Variants in TSPAN9 observed in about 807,000 individuals in gnomAD.
TSPAN9 encodes the protein tetraspanin-9.
In TSPAN9, 16 loss-of-function variants were observed where a neutral mutation model predicts 31.0. The ratio of observed to expected loss-of-function variants is 0.52; its 90% CI spans 0.35 to 0.78. The LOEUF is 0.78. Among genes scored for constraint, TSPAN9 ranks in the 30% least tolerant of loss-of-function variants. The pLI, the probability that TSPAN9 is intolerant of heterozygous loss-of-function variation, is 0.01. For missense variants in TSPAN9, 272 were observed against 312.5 expected (o/e 0.87, Z 0.98); for synonymous variants, 145 against 121.6 (o/e 1.19, Z -1.27).
intron 3 of TSPAN9, among the ~76,000 whole-genome samples, chr12:3,269,113 T>TGC (rs1323202584): frequency 2.3e-5 from 1 of 42,768 alleles, no homozygotes; most frequent in South Asian, 1.7e-3. Flanking sequence ...GCCCTCCCTG[T>TGC]GTTCCTGCAG....
At chr12:3,189,791 G>A (rs1339137062) in intron 2 of TSPAN9, among the ~76,000 whole-genome samples, 1 of 152,132 alleles carries the variant, frequency 6.6e-6, no homozygotes, top group African/African-American at 2.4e-5. Flanking sequence ...GCCTGATGGG[G>A]AGGAGGGAAG....
At chr12:3,257,579 A>G (rs892609222) in intron 3 of TSPAN9, among the ~76,000 whole-genome samples, 1 of 151,926 alleles carries the variant, frequency 6.6e-6, no homozygotes, top group African/African-American at 2.4e-5. Flanking sequence ...CACTGTGGGA[A>G]TAAATTATCC....
chr12:3,250,249 G>A (rs529540853), intron 3 of TSPAN9, among the ~76,000 whole-genome samples: 2 of 152,276 alleles, frequency 1.3e-5, no homozygotes, highest in African/African-American at 2.4e-5. Context: ...TACCCATTGC[G>A]TAAAGCTCAG....
At chr12:3,218,279 C>A (rs1046383654) in intron 3 of TSPAN9, among the ~76,000 whole-genome samples, 1 of 152,204 alleles carries the variant, frequency 6.6e-6, no homozygotes. Context: ...GGGGAGTGAG[C>A]TCACAGCTCT....
chr12:3,229,509 C>A (rs1233880542), intron 3 of TSPAN9, among the ~76,000 whole-genome samples: 1 of 152,234 alleles, frequency 6.6e-6, no homozygotes, highest in East Asian at 1.9e-4. Flanking sequence ...GGATCAGAGG[C>A]TTTCCCCTTG....
At chr12:3,119,923 T>C (rs565089591) in intron 2 of TSPAN9, among the ~76,000 whole-genome samples, 355 of 152,198 alleles carry the variant, frequency 2.3e-3, no homozygotes, top group African/African-American at 8.2e-3. Flanking sequence ...CTGGTGTTGC[T>C]CCACATGGGC....
chr12:3,253,654 G>T (rs1164022841), intron 3 of TSPAN9, among the ~76,000 whole-genome samples: 1 of 152,236 alleles, frequency 6.6e-6, no homozygotes, highest in African/African-American at 2.4e-5. Context: ...GGTAGAAATG[G>T]CAATCTTCAT....
In TSPAN9 at chr12:3,177,464, G is replaced by A. The variant is rs540216519; in HGVS notation, c.-17-23713G>A. Among the ~76,000 whole-genome samples the A allele has an allele frequency of 1.7e-4, 26 of 152,158 alleles. 1 individual carries two copies. The East Asian group carries it at 4.3e-3, about 25-fold the overall frequency. ...GAAAATTTTTTTGAGATGGAGTCTC[G>A]CTCTGTTGCCCAGGCTGGAGCACAG... On this transcript the variant is annotated intron_variant, in intron 2 of 8. Coordinates refer to ENST00000011898, the MANE Select transcript of TSPAN9 (RefSeq NM_006675.5).
At chr12:3,281,163 C>T (rs1472277499) in intron 6 of TSPAN9, 35 bp from the exon 7 acceptor site, 1 of 1,549,944 alleles carries the variant, frequency 6.5e-7, no homozygotes, top group South Asian at 1.2e-5. Context: ...CGGGCCATGG[C>T]ATGTCTGACT....
At chr12:3,162,898 G>T (rs1195567910) in intron 2 of TSPAN9, among the ~76,000 whole-genome samples, 2 of 152,174 alleles carry the variant, frequency 1.3e-5, no homozygotes, top group Non-Finnish European at 2.9e-5. Context: ...GCAGCCTATT[G>T]GAGAGAGTGT....
rs1263845162 is a variant in TSPAN9, at chr12:3,283,240, AC to A, written c.*128del. ...GCACCCACCCCCCACAGCCTGCCCT[AC>A]CCCACCTACCCTGCCTCAGCCTCGG... On this transcript the variant is annotated 3_prime_UTR_variant, in exon 9 of 9. Coordinates refer to ENST00000011898, the MANE Select transcript of TSPAN9 (RefSeq NM_006675.5). The A allele has an allele frequency of 8.7e-6, 8 of 919,894 alleles. No individual in the cohort carries two copies. The highest frequency in any genetic ancestry group is 4.5e-4 in the Middle Eastern group (2 of 4,452). The allele number at this position is 919,894 out of a possible 1,614,324, so 57.0% of individuals were successfully genotyped here. A position where few individuals can be genotyped will look rare whatever the true frequency, so the allele number is the denominator to read the frequency against.
At chr12:3,224,807 G>A (rs903390379) in intron 3 of TSPAN9, among the ~76,000 whole-genome samples, 4 of 152,232 alleles carry the variant, frequency 2.6e-5, no homozygotes, top group African/African-American at 7.2e-5. Context: ...TGTCAGCTTC[G>A]CTTCAGCAGT....
In TSPAN9 at chr12:3,226,553, A is replaced by G. The variant is rs183016628; in HGVS notation, c.63+25297A>G. Among the ~76,000 whole-genome samples the G allele has an allele frequency of 1.4e-4, 21 of 150,400 alleles. No homozygotes were observed. In the East Asian group the frequency reaches 3.4e-3, roughly 24 times the overall value. On this transcript the variant is annotated intron_variant, in intron 3 of 8. Coordinates refer to ENST00000011898, the MANE Select transcript of TSPAN9 (RefSeq NM_006675.5). ...TAGGTGTGCTTGGATTTGAGGGTGT[A>G]TATATATGGCTGAGGCAGAAGGATT...
chr12:3,224,798 G>C (rs1375081819), intron 3 of TSPAN9, among the ~76,000 whole-genome samples: 1 of 152,258 alleles, frequency 6.6e-6, no homozygotes, highest in East Asian at 1.9e-4. Context: ...TCCCGGTTCT[G>C]TCAGCTTCGC....
Position 3,211,633 on chromosome 12 carries a change from G to A in TSPAN9, c.63+10377G>A, listed in dbSNP as rs2098378780. The A allele has an allele frequency of 1.9e-5, 23 of 1,214,816 alleles. No homozygotes were observed. The South Asian group carries it at 2.9e-4, about 15-fold the overall frequency. 75.3% of individuals were successfully genotyped at this position (1,214,816 alleles called of 1,614,324 possible). A position where few individuals can be genotyped will look rare whatever the true frequency, so the allele number is the denominator to read the frequency against. On this transcript the variant is annotated intron_variant, in intron 3 of 8. Coordinates refer to ENST00000011898, the MANE Select transcript of TSPAN9 (RefSeq NM_006675.5). The stretch of plus-strand genomic sequence containing the variant: ...TATCCAAAATGTGTTTATTGAGATG[G>A]TTTCCCACTCATCTTGACTCAGAGT...
intron 2 of TSPAN9, among the ~76,000 whole-genome samples, chr12:3,113,417 G>A (rs1007590479): frequency 1.2e-4 from 19 of 152,280 alleles, no homozygotes; most frequent in African/African-American, 4.6e-4. Context: ...AGGTCCTGAG[G>A]CCATGATGAG....
At chr12:3,186,683 G>C (rs2098361596) in intron 2 of TSPAN9, among the ~76,000 whole-genome samples, 1 of 152,096 alleles carries the variant, frequency 6.6e-6, no homozygotes, top group South Asian at 2.1e-4. Context: ...TAAGAGACAC[G>C]ATCACTGTAG....
intron 2 of TSPAN9, among the ~76,000 whole-genome samples, chr12:3,097,852 T>C (rs532282332): frequency 6.6e-6 from 1 of 152,148 alleles, no homozygotes; most frequent in East Asian, 1.9e-4. Flanking sequence ...GACTGGGGAG[T>C]CTTCATCTCT....
intron 2 of TSPAN9, among the ~76,000 whole-genome samples, chr12:3,106,769 T>C (rs990646218): frequency 2.0e-5 from 3 of 150,436 alleles, no homozygotes; most frequent in Non-Finnish European, 4.4e-5. Flanking sequence ...AGACCCTGTC[T>C]CGACAAAACA....
Sources: gnomAD v4.1 joint callset for allele counts (sites outside exome capture counted in the v4.1 genomes callset) on GRCh38, gnomAD v4.1.1 for gene constraint, MANE v1.5 for transcripts, NCBI Gene and HGNC (gene_info 2026-07-23, HGNC 2026-07-21) for gene names.